The following MGAT4C variants were observed in gnomAD, a reference collection of about 807,000 sequenced individuals.
MGAT4C encodes the protein alpha-1,3-mannosyl-glycoprotein 4-beta-N-acetylglucosaminyltransferase C.
MGAT4C carries 19 observed loss-of-function variants against 40.1 expected under a neutral mutation model. That is an observed-to-expected ratio of 0.47 (90% CI 0.33 to 0.70). MGAT4C has a LOEUF of 0.70. Among genes scored for constraint, MGAT4C ranks in the 30% least tolerant of loss-of-function variants. The pLI, the probability that MGAT4C is intolerant of heterozygous loss-of-function variation, is 0.02. For synonymous variants in MGAT4C, 181 were observed against 187.1 expected (o/e 0.97, Z 0.27); for missense variants, 491 against 563.2 (o/e 0.87, Z 1.30).
intron 1 of MGAT4C, among the ~76,000 whole-genome samples, chr12:86,162,200 C>T (rs145862789): frequency 7.4e-4 from 112 of 152,182 alleles, no homozygotes; most frequent in African/African-American, 2.6e-3. Flanking sequence ...CACTCACATG[C>T]TTATTGCTGT....
rs148266557 is a variant in MGAT4C, at chr12:86,519,857, T to A, written c.-228-84592A>T. Reference sequence around the variant, plus strand: ...TATTTTCTCCCATTCTGTGGGTTATTACTTTACTTCTTTTCTTCTTTGTGC... The same window carrying A: ...TATTTTCTCCCATTCTGTGGGTTATAACTTTACTTCTTTTCTTCTTTGTGC... On this transcript the variant is annotated intron_variant, in intron 2 of 7. Coordinates refer to the MGAT4C transcript ENST00000548651. Among the ~76,000 whole-genome samples the A allele has an allele frequency of 2.1e-3, 322 of 152,246 alleles. 5 individuals are homozygous for A. Among genetic ancestry groups the A allele is most frequent in the Admixed American group, 0.018 (271 of 15,292 alleles).
At chr12:86,354,776 G>A (rs960702912) in intron 3 of MGAT4C, among the ~76,000 whole-genome samples, 1 of 152,204 alleles carries the variant, frequency 6.6e-6, no homozygotes, top group African/African-American at 2.4e-5. Context: ...TGTGTCCGGA[G>A]TTGGTTCCTT....
chr12:86,318,557 A>G (rs1285118026), intron 4 of MGAT4C, among the ~76,000 whole-genome samples: 3 of 152,292 alleles, frequency 2.0e-5, no homozygotes, highest in African/African-American at 7.2e-5. Context: ...TCCTTAAAAT[A>G]TTATGTCTTT....
chr12:85,983,651 A>G lies in MGAT4C; in HGVS notation c.167T>C (p.Ile56Thr). 6.3e-7 allele frequency: 1 copy of G among 1,585,492 alleles called. No individual in the cohort carries two copies. Among genetic ancestry groups the G allele is most frequent in the South Asian group, 1.2e-5 (1 of 85,396 alleles). Residue 56 changes from isoleucine to threonine, a missense_variant, in exon 4 of 5, where the codon ATA becomes ACA. Coordinates refer to ENST00000611864, the MANE Select transcript of MGAT4C (RefSeq NM_001351288.2). ...CAGTTGATGTGTGGATGTTTCCCTT[A>G]TAAGTTGTTTGTCTCCTTCCTAAAT... is the stretch of plus-strand genomic sequence containing the variant. ...SYVLEGDKQLIRETSTHQLNS... is the reference protein window; with the variant it reads ...SYVLEGDKQLTRETSTHQLNS...
At position 86,725,046 on chromosome 12, in the gene MGAT4C, C is replaced by A. The variant is rs528196102; in HGVS notation, c.-229+2163G>T. ...GTCCATTTAAAATAATCAGCATCAC[C>A]TGAATTTAATAGGATCTCTCACAGT... is the stretch of plus-strand genomic sequence containing the variant. On this transcript the variant is annotated intron_variant, in intron 2 of 7. Coordinates refer to the MGAT4C transcript ENST00000548651. Among the ~76,000 whole-genome samples the A allele has an allele frequency of 3.9e-5, 6 of 152,250 alleles. 1 individual carries two copies. In the East Asian group the frequency reaches 1.2e-3, roughly 29 times the overall value.
rs1046287452 is a variant in MGAT4C, at chr12:86,607,195, A to C, written c.-229+120014T>G. Among the ~76,000 whole-genome samples the C allele has an allele frequency of 3.9e-5, 6 of 152,106 alleles. 1 individual carries two copies. Among genetic ancestry groups the C allele is most frequent in the Admixed American group, 3.9e-4 (6 of 15,256 alleles). ...TAGAAAGTAAAAAACACTGAAATTA[A>C]AATTCCTACCACTCATAATGTATAT... On this transcript the variant is annotated intron_variant, in intron 2 of 7. Coordinates refer to the MGAT4C transcript ENST00000548651.
chr12:86,305,128 A>T (rs1456993148), intron 4 of MGAT4C, among the ~76,000 whole-genome samples: 3 of 150,656 alleles, frequency 2.0e-5, no homozygotes, highest in Admixed American at 1.3e-4. Flanking sequence ...CCAACACTTC[A>T]CTTGAATAGT....
intron 1 of MGAT4C, among the ~76,000 whole-genome samples, chr12:86,226,763 C>A (rs934709121): frequency 1.3e-5 from 2 of 151,842 alleles, no homozygotes; most frequent in Admixed American, 6.6e-5. Context: ...TACAGTTGGA[C>A]TCCTCCTTTC....
chr12:86,196,171 A>G (rs773029146), intron 1 of MGAT4C, among the ~76,000 whole-genome samples: 6 of 152,208 alleles, frequency 3.9e-5, no homozygotes, highest in Non-Finnish European at 5.9e-5. Context: ...CTTGGTTTGT[A>G]GAAAGCACCT....
intron 1 of MGAT4C, among the ~76,000 whole-genome samples, chr12:86,097,096 T>C (rs1310966747): frequency 6.6e-6 from 1 of 151,660 alleles, no homozygotes; most frequent in African/African-American, 2.4e-5. Flanking sequence ...TCGAGTATAT[T>C]ATAATATATT....
At chr12:86,348,185 C>G (rs1038173377) in intron 3 of MGAT4C, among the ~76,000 whole-genome samples, 1 of 152,056 alleles carries the variant, frequency 6.6e-6, no homozygotes, top group Non-Finnish European at 1.5e-5. Flanking sequence ...TTTACTTTAC[C>G]TGACACTTCA....
chr12:86,214,861 C>T (rs1950606748), intron 1 of MGAT4C, among the ~76,000 whole-genome samples: 1 of 152,166 alleles, frequency 6.6e-6, no homozygotes, highest in South Asian at 2.1e-4. Flanking sequence ...CAAACATACG[C>T]AATGGACATT....
At chr12:86,164,411 TG>T (rs1315926798) in intron 1 of MGAT4C, among the ~76,000 whole-genome samples, 1 of 152,222 alleles carries the variant, frequency 6.6e-6, no homozygotes, top group Non-Finnish European at 1.5e-5. Flanking sequence ...AATCAATAAC[TG>T]TTTACTGCAT....
chr12:86,719,528 G>T (rs1950704048), intron 2 of MGAT4C, among the ~76,000 whole-genome samples: 1 of 152,170 alleles, frequency 6.6e-6, no homozygotes, highest in Admixed American at 6.5e-5. Context: ...ATCCAGCTGA[G>T]TACATGTTGC....
intron 1 of MGAT4C, among the ~76,000 whole-genome samples, chr12:86,797,540 ACTAT>A (rs1245938116): frequency 1.3e-5 from 2 of 151,916 alleles, no homozygotes; most frequent in African/African-American, 2.4e-5. Context: ...CCATGTTTTT[ACTAT>A]CTGTTTGTAG....
At chr12:86,001,084 T>C (rs10863139) in intron 2 of MGAT4C, among the ~76,000 whole-genome samples, 38,828 of 152,032 alleles carry the variant, frequency 0.26, 5,639 homozygotes, top group Non-Finnish European at 0.33. Context: ...TAGCCAGAAT[T>C]CCCCATCCTC....
intron 1 of MGAT4C, among the ~76,000 whole-genome samples, chr12:86,243,487 G>A (rs922662992): frequency 5.9e-5 from 9 of 152,142 alleles, no homozygotes; most frequent in South Asian, 2.1e-4. Flanking sequence ...GTGATGGGTC[G>A]CTCCCATGAT....
chr12:86,470,896 T>C (rs1227616714), intron 2 of MGAT4C, among the ~76,000 whole-genome samples: 3 of 152,084 alleles, frequency 2.0e-5, no homozygotes, highest in African/African-American at 7.2e-5. Flanking sequence ...ACTTCTTAGG[T>C]GAGGAACAAT....
At chr12:86,089,980 C>T (rs549254868) in intron 1 of MGAT4C, among the ~76,000 whole-genome samples, 3 of 151,410 alleles carry the variant, frequency 2.0e-5, no homozygotes, top group South Asian at 2.1e-4. Context: ...GCTGATTGAT[C>T]GGGTTTTCTA....
Sources: gnomAD v4.1 joint callset for allele counts (sites outside exome capture counted in the v4.1 genomes callset) on GRCh38, gnomAD v4.1.1 for gene constraint, MANE v1.5 for transcripts, NCBI Gene and HGNC (gene_info 2026-07-23, HGNC 2026-07-21) for gene names.